Variants in TRIM31 observed in about 807,000 individuals in gnomAD.
The protein encoded by TRIM31 is E3 ubiquitin-protein ligase TRIM31.
Under a neutral mutation model 40.6 loss-of-function variants are expected in TRIM31, and 31 were observed. That is an observed-to-expected ratio of 0.76 (90% CI 0.57 to 1.03). TRIM31 has a LOEUF of 1.03. TRIM31 is among the 50% of genes least tolerant of loss of function. The probability of loss-of-function intolerance (pLI) is 0.00; values close to 1 mark genes in which losing one functional copy is unlikely to be tolerated. For missense variants in TRIM31, 455 were observed against 497.5 expected, an observed-to-expected ratio of 0.91 and a Z score of 0.81; for synonymous variants, 164 against 193.9, an observed-to-expected ratio of 0.85 and a Z score of 1.28.
chr6:30,109,290 G>A (rs1379702306), intron 4 of TRIM31, among the ~76,000 whole-genome samples: 1 of 152,072 alleles, frequency 6.6e-6, no homozygotes, highest in Non-Finnish European at 1.5e-5. Context: ...AGAGAAGAGT[G>A]AGATTTAGAA....
Position 30,108,121 on chromosome 6 carries a change from A to G in TRIM31, c.815T>C (p.Leu272Pro), listed in dbSNP as rs1454903280. 3 of 1,612,136 alleles carry G rather than the reference A, an allele frequency of 1.9e-6. No homozygotes were observed. Among genetic ancestry groups the G allele is most frequent in the Non-Finnish European group, 2.5e-6 (3 of 1,179,314 alleles). Residue 272 changes from leucine to proline, a missense_variant, in exon 6 of 9, where the codon CTG becomes CCG. By Grantham distance (98) the Leu-to-Pro change is moderately conservative. Coordinates refer to ENST00000376734, the MANE Select transcript of TRIM31 (RefSeq NM_007028.5). ...FLNPTPVPLE[L>P]EKKLSEAKSR... The stretch of plus-strand genomic sequence containing the variant: ...TTTTGCTTCACTGAGTTTTTTCTCC[A>G]GTTCCAGAGGAACAGGGGTTGGGTT...
chr6:30,105,193 GC>G lies in TRIM31; in HGVS notation c.932del (p.Ser311ThrfsTer2). ...AGCTCTTCATGTCATTTTTATTCAT[GC>G]TTTTGAAGAATCTGTTTTCATCTTT... is the stretch of plus-strand genomic sequence containing the variant. ...RKKDENRFFK[S>X]MNKNDMKSWG... is the part of the protein sequence containing the mutation. On this transcript the variant is annotated frameshift_variant, in exon 7 of 9. Transcript: ENST00000376734. LOFTEE classifies it high-confidence loss of function. 1 of 1,612,634 alleles carries G rather than the reference GC, an allele frequency of 6.2e-7. No homozygotes were observed. Among genetic ancestry groups the G allele is most frequent in the Middle Eastern group, 1.7e-4 (1 of 6,056 alleles).
chr6:30,106,598 A>AG (rs560011139), intron 6 of TRIM31, among the ~76,000 whole-genome samples: 1 of 83,192 alleles, frequency 1.2e-5, no homozygotes, highest in Non-Finnish European at 3.0e-5. Flanking sequence ...AAAATAAGAG[A>AG]AAAAAAAAAG....
chr6:30,110,714 G>T, intron 3 of TRIM31, 36 bp from the exon 4 acceptor site: 2 of 1,592,854 alleles, frequency 1.3e-6, no homozygotes, highest in Non-Finnish European at 1.7e-6. Context: ...TGAGAGGATG[G>T]CCTCGAAGGT....
Position 30,111,638 on chromosome 6 carries a change from T to A in TRIM31, c.513+10A>T. On this transcript the variant is annotated intron_variant, in intron 3 of 8. Coordinates refer to ENST00000376734, the MANE Select transcript of TRIM31 (RefSeq NM_007028.5). ...TGCTTCCAGAGATCGTGGGATGGAG[T>A]TTTTCTTACCGTGAAGACATCGACC... The A allele has an allele frequency of 1.2e-6, 2 of 1,613,134 alleles. No homozygotes were observed. Among genetic ancestry groups the A allele is most frequent in the Middle Eastern group, 1.7e-4 (1 of 6,056 alleles).
intron 5 of TRIM31, 198 bp downstream of exon 5, chr6:30,108,828 G>C: frequency 1.6e-6 from 1 of 641,778 alleles, no homozygotes; most frequent in South Asian, 1.8e-5. Flanking sequence ...TGAGAAAACA[G>C]CTGGTTTCTT....
intron 3 of TRIM31, among the ~76,000 whole-genome samples, chr6:30,111,052 GAC>G (rs1422111071): frequency 4.4e-4 from 41 of 93,644 alleles, no homozygotes; most frequent in African/African-American, 1.3e-3. Flanking sequence ...TTTTTTTTGA[GAC>G]AGTCTCTCAC....
At chr6:30,104,262 A>C (rs1433116557) in intron 7 of TRIM31, 95 bp from the exon 8 acceptor site, 1 of 1,272,538 alleles carries the variant, frequency 7.9e-7, no homozygotes, top group African/African-American at 1.5e-5. Context: ...CAATCAGAAC[A>C]GTCAATGGTT....
Position 30,112,308 on chromosome 6 carries a change from C to T in TRIM31, c.417+81G>A. On this transcript the variant is annotated intron_variant, in intron 2 of 8. Transcript: ENST00000376734. Reference sequence around the variant, plus strand: ...GTGGGGGCAATGGGGTGCAAACCCTCAGTGGGAAGGTAGCAGTTTCCAGGG... The same window carrying T: ...GTGGGGGCAATGGGGTGCAAACCCTTAGTGGGAAGGTAGCAGTTTCCAGGG... 2.6e-6 allele frequency: 4 copies of T among 1,512,236 alleles called. No homozygotes were observed. The South Asian group carries it at 5.2e-5, about 20-fold the overall frequency. 93.7% of individuals were successfully genotyped at this position (1,512,236 alleles called of 1,614,324 possible). A position where few individuals can be genotyped will look rare whatever the true frequency, so the allele number is the denominator to read the frequency against.
intron 6 of TRIM31, among the ~76,000 whole-genome samples, chr6:30,106,479 G>A (rs954157168): frequency 2.6e-5 from 4 of 152,176 alleles, no homozygotes; most frequent in Non-Finnish European, 5.9e-5. Context: ...AAGAACTGTG[G>A]AGATTGGACC....
In TRIM31 at chr6:30,112,784, T is replaced by C. The variant is rs1769495022; in HGVS notation, c.22A>G (p.Asn8Asp). 4 of 1,610,494 alleles carry C rather than the reference T, an allele frequency of 2.5e-6. No homozygotes were observed. The highest frequency in any genetic ancestry group is 3.4e-6 in the Non-Finnish European group (4 of 1,178,748). Residue 8 changes from asparagine (N) to aspartate (D), a missense_variant, in exon 2 of 9, where the codon AAC (asparagine) becomes GAC (aspartate). Asn to Asp is a conservative substitution (Grantham distance 23, BLOSUM62 1). Coordinates refer to ENST00000376734, the MANE Select transcript of TRIM31 (RefSeq NM_007028.5). MASGQFVNKLQEEVICPI... is the reference protein window; with the variant it reads MASGQFVDKLQEEVICPI... Reference sequence around the variant, plus strand: ...CAGATCACTTCCTCTTGCAGTTTGTTCACAAACTGCCCACTGGCCATGACA... The same window carrying C: ...CAGATCACTTCCTCTTGCAGTTTGTCCACAAACTGCCCACTGGCCATGACA...
chr6:30,108,457 G>A (rs1768948403), intron 5 of TRIM31, among the ~76,000 whole-genome samples: 1 of 151,798 alleles, frequency 6.6e-6, no homozygotes, highest in South Asian at 2.1e-4. Context: ...TACTTGGGAG[G>A]CTGAGGCAGG....
chr6:30,103,720 G>A lies in TRIM31; in HGVS notation c.1094C>T (p.Ser365Leu). The A allele has an allele frequency of 1.2e-6, 2 of 1,613,048 alleles. No individual in the cohort carries two copies. Among genetic ancestry groups the A allele is most frequent in the South Asian group, 1.1e-5 (1 of 91,082 alleles). ...TGGAAAAGTGACTTTCCCAGCAGAC[G>A]AGGCCCGAAACAGGGAGTGGGATGG... is the stretch of plus-strand genomic sequence containing the variant. ...SAPSHSLFRASSAGKVTFPVC... is the reference protein window; with the variant it reads ...SAPSHSLFRALSAGKVTFPVC... Residue 365 changes from serine to leucine, a missense_variant, in exon 9 of 9, where the codon TCG (serine) becomes TTG (leucine). By Grantham distance (145) the Ser-to-Leu change is moderately radical. Transcript: ENST00000376734.
chr6:30,108,791 G>C (rs1769000646), intron 5 of TRIM31: 4 of 611,478 alleles, frequency 6.5e-6, no homozygotes, highest in Non-Finnish European at 5.9e-6. Flanking sequence ...GGAAATAGTA[G>C]AATCTGTGCT....
chr6:30,107,005 CAGG>C (rs2127384518), intron 6 of TRIM31, among the ~76,000 whole-genome samples: 1 of 152,250 alleles, frequency 6.6e-6, no homozygotes, highest in Admixed American at 6.5e-5. Flanking sequence ...GAAGCTGAGG[CAGG>C]AGAATCGCTT....
At position 30,110,462 on chromosome 6, in the gene TRIM31, T is replaced by C; in HGVS notation, c.730A>G (p.Arg244Gly). ...SLKTKQNMPP[R>G]QLLEDIKVVL... is the part of the protein sequence containing the mutation. ...AAGGGACTCACCTCCAGCAGCTGCC[T>C]GGGTGGCATGTTCTGCTTGGTCTTC... Residue 244 changes from arginine (R) to glycine (G), a missense_variant, in exon 4 of 9, where the codon AGG (arginine) becomes GGG (glycine). Arg to Gly is a moderately radical substitution (Grantham distance 125, BLOSUM62 -2). Transcript: ENST00000376734. 6.2e-7 allele frequency: 1 copy of C among 1,614,140 alleles called. No individual in the cohort carries two copies. The highest frequency in any genetic ancestry group is 8.5e-7 in the Non-Finnish European group (1 of 1,180,006).
Position 30,103,642 on chromosome 6 carries a change from TGAGA to T in TRIM31, c.1168_1171del (p.Ser390ArgfsTer18). ...CGCAACGTCAAATGTCTTCGTATCC[TGAGA>T]GCTCGCTCCTTGACCAGAAATCTCA... On this transcript the variant is annotated frameshift_variant, in exon 9 of 9. Coordinates refer to ENST00000376734, the MANE Select transcript of TRIM31 (RefSeq NM_007028.5). LOFTEE classifies it low-confidence loss of function (END_TRUNC). 3 of 1,613,034 alleles carry T rather than the reference TGAGA, an allele frequency of 1.9e-6. No individual in the cohort carries two copies. Among genetic ancestry groups the T allele is most frequent in the Non-Finnish European group, 2.5e-6 (3 of 1,180,028 alleles).
chr6:30,108,709 A>G (rs556277814), intron 5 of TRIM31: 62 of 513,670 alleles, frequency 1.2e-4, no homozygotes, highest in Admixed American at 3.5e-4. Flanking sequence ...GACAGAGAGG[A>G]GGGAAAAAAA....
chr6:30,104,458 T>C (rs940897988), intron 7 of TRIM31, among the ~76,000 whole-genome samples: 1 of 152,194 alleles, frequency 6.6e-6, no homozygotes, highest in African/African-American at 2.4e-5. Context: ...GTAGCTCCTT[T>C]TGTGGAGAAA....
Sources: allele counts gnomAD v4.1 joint callset (sites outside exome capture counted in the v4.1 genomes callset), GRCh38; gene constraint gnomAD v4.1.1; transcripts MANE v1.5; gene names NCBI Gene and HGNC (gene_info 2026-07-23, HGNC 2026-07-21).